Variants in FA2H observed in about 807,000 individuals in gnomAD.
FA2H encodes the protein fatty acid alpha-hydroxylase.
A neutral mutation model predicts 44.9 loss-of-function variants in FA2H; 22 were observed. That is an observed-to-expected ratio of 0.49 (90% CI 0.35 to 0.70). The LOEUF (loss-of-function observed/expected upper bound fraction) is 0.70, where lower values mean the gene tolerates loss of function less well. Among genes scored for constraint, FA2H ranks in the 30% least tolerant of loss-of-function variants. The pLI, the probability that FA2H is intolerant of heterozygous loss-of-function variation, is 0.01. For missense variants in FA2H, 501 were observed against 504.9 expected (o/e 0.99, Z 0.07); for synonymous variants, 243 against 213.2 (o/e 1.14, Z -1.22).
intron 4 of FA2H, among the ~76,000 whole-genome samples, chr16:74,720,427 C>T (rs1459403137): frequency 6.6e-6 from 1 of 151,712 alleles, no homozygotes; most frequent in Non-Finnish European, 1.5e-5. Context: ...AAATCCTGAC[C>T]TCAAGTGATC....
At chr16:74,766,633 G>A (rs1298542934) in intron 1 of FA2H, among the ~76,000 whole-genome samples, 1 of 145,548 alleles carries the variant, frequency 6.9e-6, no homozygotes, top group Non-Finnish European at 1.5e-5. Flanking sequence ...TGTTCCAGAA[G>A]GAAAACTAAG....
At chr16:74,748,597 C>G (rs1962470780) in intron 1 of FA2H, among the ~76,000 whole-genome samples, 2 of 152,150 alleles carry the variant, frequency 1.3e-5, no homozygotes, top group African/African-American at 4.8e-5. Flanking sequence ...TCTGGGAGGT[C>G]CCCAAGCCCC....
rs1168007237 is a variant in FA2H, at chr16:74,721,553, T to C, written c.614-2393A>G. On this transcript the variant is annotated intron_variant, in intron 4 of 6. Coordinates refer to ENST00000219368, the MANE Select transcript of FA2H (RefSeq NM_024306.5). ...CTGGGTCAGCGCAGGAACCTGCCTT[T>C]GTACCCCATACCCAAGCTGCTGAGC... Among the ~76,000 whole-genome samples the C allele has an allele frequency of 3.3e-5, 5 of 152,202 alleles. 1 individual carries two copies. Among genetic ancestry groups the C allele is most frequent in the Non-Finnish European group, 7.3e-5 (5 of 68,036 alleles).
chr16:74,765,435 GCATGAGC>G (rs1310029915), intron 1 of FA2H, among the ~76,000 whole-genome samples: 4 of 152,116 alleles, frequency 2.6e-5, no homozygotes, highest in Non-Finnish European at 5.9e-5. Context: ...GGGATTACAG[GCATGAGC>G]CACCGTGCCC....
intron 2 of FA2H, among the ~76,000 whole-genome samples, chr16:74,729,342 G>T (rs1391290253): frequency 6.6e-6 from 1 of 152,020 alleles, no homozygotes; most frequent in Admixed American, 6.5e-5. Flanking sequence ...GGGTCTTGCT[G>T]TGTTGCTCAG....
chr16:74,736,944 A>G, intron 2 of FA2H, among the ~76,000 whole-genome samples: 1 of 152,254 alleles, frequency 6.6e-6, no homozygotes, highest in East Asian at 1.9e-4. Flanking sequence ...AAATCAGGAT[A>G]ATTATAATCC....
intron 1 of FA2H, among the ~76,000 whole-genome samples, chr16:74,764,895 A>G (rs1441951309): frequency 6.6e-6 from 1 of 152,122 alleles, no homozygotes; most frequent in Non-Finnish European, 1.5e-5. Context: ...TTATAGCTAC[A>G]TGAGGACTGG....
intron 5 of FA2H, 57 bp downstream of exon 5, chr16:74,718,931 G>A: frequency 1.3e-6 from 2 of 1,596,016 alleles, no homozygotes; most frequent in Non-Finnish European, 8.5e-7. Flanking sequence ...GCGGCTGGCT[G>A]CCGGGCCCTC....
At chr16:74,738,910 C>T (rs951861767) in intron 2 of FA2H, among the ~76,000 whole-genome samples, 11 of 152,230 alleles carry the variant, frequency 7.2e-5, no homozygotes, top group Non-Finnish European at 1.5e-4. Flanking sequence ...CAGGAGGGGA[C>T]ATGGCACAGC....
At chr16:74,749,139 C>T (rs1007758478) in intron 1 of FA2H, among the ~76,000 whole-genome samples, 2 of 152,182 alleles carry the variant, frequency 1.3e-5, no homozygotes, top group African/African-American at 4.8e-5. Context: ...CCTCTGCGGC[C>T]CCCAGGGAGC....
chr16:74,740,489 G>A (rs573945196), intron 1 of FA2H, among the ~76,000 whole-genome samples: 4 of 151,608 alleles, frequency 2.6e-5, no homozygotes, highest in Admixed American at 6.6e-5. Context: ...GCGTGGTGGT[G>A]CGCCCCTGTA....
chr16:74,737,027 G>A (rs1231346132), intron 2 of FA2H, among the ~76,000 whole-genome samples: 1 of 152,182 alleles, frequency 6.6e-6, no homozygotes, highest in Admixed American at 6.5e-5. Flanking sequence ...CACACAGTGA[G>A]GGCTCAGTAC....
chr16:74,731,029 T>G (rs1962061242), intron 2 of FA2H, among the ~76,000 whole-genome samples: 1 of 152,196 alleles, frequency 6.6e-6, no homozygotes, highest in African/African-American at 2.4e-5. Context: ...AAGCTTGCTG[T>G]GCGCAGGATC....
intron 1 of FA2H, among the ~76,000 whole-genome samples, chr16:74,750,761 C>CTCTG (rs369189767): frequency 7.8e-5 from 11 of 141,660 alleles, no homozygotes; most frequent in African/African-American, 3.0e-4. Flanking sequence ...TTTTTTTTCA[C>CTCTG]TGTGTGTGTG....
At chr16:74,739,972 T>G (rs771900557) in intron 2 of FA2H, 51 bp downstream of exon 2, 4 of 1,382,672 alleles carry the variant, frequency 2.9e-6, no homozygotes, top group Non-Finnish European at 4.1e-6. Flanking sequence ...CTTCCTCTCC[T>G]CATTCCCGCC....
At chr16:74,730,646 C>A (rs139943850) in intron 2 of FA2H, among the ~76,000 whole-genome samples, 6 of 152,246 alleles carry the variant, frequency 3.9e-5, no homozygotes, top group African/African-American at 9.6e-5. Context: ...CCTTATCTTG[C>A]GGCAGTCTGC....
intron 2 of FA2H, among the ~76,000 whole-genome samples, chr16:74,729,004 ATTTTT>A (rs35360701): frequency 7.7e-5 from 3 of 38,988 alleles, no homozygotes; most frequent in Admixed American, 7.8e-4. Context: ...GATGGTCTTG[ATTTTT>A]TTTTTTTTTT....
At chr16:74,752,053 C>A (rs904350710) in intron 1 of FA2H, among the ~76,000 whole-genome samples, 11 of 152,218 alleles carry the variant, frequency 7.2e-5, no homozygotes, top group African/African-American at 2.7e-4. Context: ...TCAACTTCTT[C>A]CTTTCCCTCG....
chr16:74,724,898 T>C (rs966644220), intron 4 of FA2H, among the ~76,000 whole-genome samples: 1 of 152,096 alleles, frequency 6.6e-6, no homozygotes, highest in African/African-American at 2.4e-5. Flanking sequence ...CTGAGTGGCA[T>C]CTCTGGAGGA....
Sources: allele counts gnomAD v4.1 joint callset (sites outside exome capture counted in the v4.1 genomes callset), GRCh38; gene constraint gnomAD v4.1.1; transcripts MANE v1.5; gene names NCBI Gene and HGNC (gene_info 2026-07-23, HGNC 2026-07-21).